Variants in RPTOR observed in about 807,000 individuals in gnomAD.
The protein encoded by RPTOR is regulatory associated protein of MTOR complex 1.
RPTOR carries 21 observed loss-of-function variants against 169.9 expected under a neutral mutation model. The ratio of observed to expected loss-of-function variants is 0.12; its 90% confidence interval spans 0.09 to 0.18. The LOEUF (loss-of-function observed/expected upper bound fraction) is 0.18, where lower values mean the gene tolerates loss of function less well. Among genes scored for constraint, RPTOR ranks in the 10% least tolerant of loss-of-function variants. The pLI is 1.00. For missense variants in RPTOR, 1,133 were observed against 1,855.9 expected (o/e 0.61, Z 7.16); for synonymous variants, 732 against 753.2 (o/e 0.97, Z 0.46).
intron 7 of RPTOR, among the ~76,000 whole-genome samples, chr17:80,795,727 C>T (rs2067094937): frequency 1.3e-5 from 2 of 152,130 alleles, no homozygotes; most frequent in African/African-American, 4.8e-5. Flanking sequence ...CCCTTCTGAG[C>T]CACACTCACT....
At position 80,707,196 on chromosome 17, in the gene RPTOR, G is replaced by A. The variant is rs1169886171; in HGVS notation, c.349-645G>A. ...GTGTACATTGCAGGCTCCTTCATTT[G>A]AGCAAATTCTCTCTTCCATGCTCCA... On this transcript the variant is annotated intron_variant, in intron 3 of 33. Transcript: ENST00000306801. This position sits in a 1 kb window ranked among gnomAD's most constrained non-coding sequence, Gnocchi z 5.0. Among the ~76,000 whole-genome samples, 1 of 152,108 alleles carries A rather than the reference G, an allele frequency of 6.6e-6. No homozygotes were observed. Among genetic ancestry groups the A allele is most frequent in the Non-Finnish European group, 1.5e-5 (1 of 68,008 alleles).
At chr17:80,676,211 T>G (rs2065860408) in intron 3 of RPTOR, among the ~76,000 whole-genome samples, 3 of 152,236 alleles carry the variant, frequency 2.0e-5, no homozygotes, top group Admixed American at 2.0e-4. Context: ...AATGTCCTAC[T>G]GCTGCTTTAT....
intron 1 of RPTOR, among the ~76,000 whole-genome samples, chr17:80,600,942 G>A (rs933967970): frequency 6.6e-6 from 1 of 151,234 alleles, no homozygotes; most frequent in African/African-American, 2.4e-5. Context: ...TGCCCTCTCT[G>A]CAGTGTAACT....
At chr17:80,667,709 A>G (rs1053553802) in intron 3 of RPTOR, among the ~76,000 whole-genome samples, 1 of 152,172 alleles carries the variant, frequency 6.6e-6, no homozygotes, top group South Asian at 2.1e-4. Flanking sequence ...TTGTGGTTTC[A>G]TGGGACAAAT....
chr17:80,638,713 G>A (rs1445496005), intron 2 of RPTOR, among the ~76,000 whole-genome samples: 1 of 152,112 alleles, frequency 6.6e-6, no homozygotes, highest in Non-Finnish European at 1.5e-5. Flanking sequence ...TAACTGCTTG[G>A]AGCCCACCTC....
At chr17:80,953,671 C>T (rs11870413) in intron 28 of RPTOR, among the ~76,000 whole-genome samples, 1,896 of 152,326 alleles carry the variant, frequency 0.012, 46 homozygotes, top group African/African-American at 0.043. Context: ...AGAGCATGTC[C>T]GGGTGGGCAG....
chr17:80,693,158 A>G (rs569038177), intron 3 of RPTOR, among the ~76,000 whole-genome samples: 2 of 152,280 alleles, frequency 1.3e-5, no homozygotes, highest in South Asian at 4.1e-4. Flanking sequence ...CCCGATTGGC[A>G]TTTGGATCAG....
intron 9 of RPTOR, among the ~76,000 whole-genome samples, chr17:80,833,247 GT>G (rs991055420): frequency 2.4e-4 from 37 of 152,320 alleles, no homozygotes; most frequent in African/African-American, 7.9e-4. Flanking sequence ...TGGATGACAT[GT>G]TTTCCAGGCG....
chr17:80,828,699 G>A (rs116308499), intron 9 of RPTOR, among the ~76,000 whole-genome samples: 35 of 152,294 alleles, frequency 2.3e-4, no homozygotes, highest in African/African-American at 8.4e-4. Context: ...GAAGCAGGTC[G>A]CTAAGGAAAA....
intron 9 of RPTOR, among the ~76,000 whole-genome samples, chr17:80,828,539 C>A (rs1225524608): frequency 6.6e-6 from 1 of 152,222 alleles, no homozygotes; most frequent in East Asian, 1.9e-4. Flanking sequence ...TGACCTGAGG[C>A]CCCTAACCCC....
At chr17:80,765,594 GT>G (rs1161813923) in intron 6 of RPTOR, among the ~76,000 whole-genome samples, 2 of 152,190 alleles carry the variant, frequency 1.3e-5, no homozygotes, top group African/African-American at 4.8e-5. Context: ...TGCTTGGAGA[GT>G]AGCTGGTGGA....
chr17:80,803,327 A>G lies in RPTOR; in HGVS notation c.890+11818A>G, dbSNP rs558057264. On this transcript the variant is annotated intron_variant, in intron 7 of 33. Coordinates refer to ENST00000306801, the MANE Select transcript of RPTOR (RefSeq NM_020761.3). The surrounding 1 kb of genome is among the most constrained non-coding windows in gnomAD (Gnocchi z 6.2). ...GGTGGAGAGACTTGCTCAGGGTCAC[A>G]GAGAGTCACACGAGGGTCCCCTGTC... 3.3e-5 allele frequency: 5 copies of G among 152,384 alleles called. No individual in the cohort carries two copies. The highest frequency in any genetic ancestry group is 1.2e-4 in the African/African-American group (5 of 41,578). 9.4% of individuals were successfully genotyped at this position (152,384 alleles called of 1,614,324 possible).
At chr17:80,744,940 TG>T (rs2066555590) in intron 5 of RPTOR, among the ~76,000 whole-genome samples, 3 of 151,948 alleles carry the variant, frequency 2.0e-5, no homozygotes, top group Non-Finnish European at 4.4e-5. Flanking sequence ...AGCAGAGCCC[TG>T]GTTACTAGCA....
chr17:80,891,611 G>C (rs368405604), intron 17 of RPTOR, 109 bp from the exon 18 acceptor site: 13 of 747,426 alleles, frequency 1.7e-5, no homozygotes, highest in African/African-American at 1.2e-4. Context: ...CCAATTGCAC[G>C]GTTTTGTCTT....
rs1478636103 is a variant in RPTOR, at chr17:80,910,839, GTTC to G, written c.2520+1913_2520+1915del. Among the ~76,000 whole-genome samples, 22 of 97,454 alleles carry G rather than the reference GTTC, an allele frequency of 2.3e-4. No individual in the cohort carries two copies. In the East Asian group the frequency reaches 6.1e-3, roughly 27 times the overall value. 63.9% of individuals were successfully genotyped at this position (97,454 alleles called of 152,430 possible). On this transcript the variant is annotated intron_variant, in intron 21 of 33. Coordinates refer to ENST00000306801, the MANE Select transcript of RPTOR (RefSeq NM_020761.3). ...ACCGTCTGCAGTTGGTTCTTCTTCA[GTTC>G]TTTTTTTTTTTTTTTCTCTTGCTCT...
intron 21 of RPTOR, among the ~76,000 whole-genome samples, chr17:80,910,226 G>A (rs2068595840): frequency 1.3e-5 from 2 of 151,874 alleles, no homozygotes; most frequent in East Asian, 1.9e-4. Context: ...TGTGGCCTGG[G>A]ACTGCCTGAA....
At chr17:80,711,744 C>CTTTTTGTTTTTTTTTTTTTTT (rs2066193184) in intron 4 of RPTOR, among the ~76,000 whole-genome samples, 1 of 88,852 alleles carries the variant, frequency 1.1e-5, no homozygotes, top group Non-Finnish European at 2.0e-5. Flanking sequence ...ATACATCAGT[C>CTTTTTGTTTTTTTTTTTTTTT]TTTTTTTTTT....
chr17:80,544,959 C>G lies in RPTOR; in HGVS notation c.-671C>G. The G allele has an allele frequency of 4.3e-6, 1 of 231,438 alleles. No homozygotes were observed. Among genetic ancestry groups the G allele is most frequent in the Non-Finnish European group, 8.6e-6 (1 of 116,634 alleles). 14.3% of individuals were successfully genotyped at this position (231,438 alleles called of 1,614,324 possible). A position where few individuals can be genotyped will look rare whatever the true frequency, so the allele number is the denominator to read the frequency against. The stretch of plus-strand genomic sequence containing the variant: ...ACATTGTCCCTTTCCTCCGTGGTTC[C>G]GTGTCGCCCGTTTCTCAGGACTCGT... On this transcript the variant is annotated 5_prime_UTR_variant, in exon 1 of 34. Coordinates refer to ENST00000306801, the MANE Select transcript of RPTOR (RefSeq NM_020761.3).
intron 7 of RPTOR, among the ~76,000 whole-genome samples, chr17:80,815,796 C>T (rs534899016): frequency 3.5e-4 from 53 of 152,286 alleles, no homozygotes; most frequent in African/African-American, 1.2e-3. Context: ...CAGTCCGTCA[C>T]GTGCAGAGCA....
Sources: allele counts gnomAD v4.1 joint callset (sites outside exome capture counted in the v4.1 genomes callset), GRCh38; gene constraint gnomAD v4.1.1; non-coding constraint Gnocchi (gnomAD v3.1); transcripts MANE v1.5; gene names NCBI Gene and HGNC (gene_info 2026-07-23, HGNC 2026-07-21).